Variants in RUFY4 observed in about 807,000 individuals in gnomAD.
RUFY4 encodes the protein RUN and FYVE domain containing 4, also known as RUN and FYVE domain-containing protein 4.
Under a neutral mutation model 69.0 loss-of-function variants are expected in RUFY4, and 73 were observed. That is an observed-to-expected ratio of 1.06 (90% CI 0.88 to 1.29). The LOEUF (loss-of-function observed/expected upper bound fraction) is 1.29. Ranked by LOEUF, RUFY4 falls within the 50% of genes most tolerant of loss-of-function variation. RUFY4 has a pLI of 0.00. For missense variants in RUFY4, 770 were observed against 705.6 expected, an observed-to-expected ratio of 1.09 and a Z score of -1.03; for synonymous variants, 287 against 271.8, an observed-to-expected ratio of 1.06 and a Z score of -0.55.
intron 2 of RUFY4, among the ~76,000 whole-genome samples, chr2:218,055,787 G>A (rs10187555): frequency 0.54 from 82,714 of 152,026 alleles, 24,157 homozygotes; most frequent in East Asian, 0.76. Context: ...CCCCGCCACA[G>A]TGCCATCATC....
chr2:218,083,254 C>T, exon 9 of RUFY4: 2 of 1,598,150 alleles, frequency 1.3e-6, no homozygotes, highest in Admixed American at 3.4e-5. Context: ...TGGAACTGAT[C>T]CAGTAAGGAC....
At chr2:218,051,570 A>T (rs1174384143) in intron 2 of RUFY4, among the ~76,000 whole-genome samples, 1 of 42,382 alleles carries the variant, frequency 2.4e-5, no homozygotes, top group South Asian at 1.7e-3. Flanking sequence ...CAATATTTTA[A>T]AAAAAAAAAA....
intron 9 of RUFY4, among the ~76,000 whole-genome samples, chr2:218,085,202 T>C (rs1689863684): frequency 6.6e-6 from 1 of 152,126 alleles, no homozygotes; most frequent in Admixed American, 6.6e-5. Context: ...TAACTAAATC[T>C]CACTTCCCAT....
At chr2:218,088,410 A>T (rs956227249) in intron 9 of RUFY4, among the ~76,000 whole-genome samples, 3 of 151,516 alleles carry the variant, frequency 2.0e-5, no homozygotes, top group South Asian at 2.1e-4. Context: ...GTGAGCTGTG[A>T]TCATGCTACT....
At chr2:218,071,044 G>A (rs532575709) in intron 2 of RUFY4, among the ~76,000 whole-genome samples, 185 bp downstream of exon 4, 13 of 152,278 alleles carry the variant, frequency 8.5e-5, no homozygotes, top group Non-Finnish European at 1.5e-4. Context: ...AGTGAAGTGG[G>A]GCAAAGCGGG....
exon 11 of RUFY4, chr2:218,090,284 GGGCTTCTTCTCTAA>G (rs1690002450): frequency 2.8e-6 from 1 of 352,526 alleles, no homozygotes; most frequent in South Asian, 2.2e-5. Context: ...TCAGTGCTCA[GGGCTTCTTCTCTAA>G]TGTTAAGAGT....
Position 218,080,603 on chromosome 2 carries a change from C to T in RUFY4, c.1356-2507C>T, listed in dbSNP as rs372550698. On this transcript the variant is annotated intron_variant, in intron 8 of 10. Coordinates refer to ENST00000344321, the Ensembl canonical transcript of RUFY4. ...TTTCCAAGCAGGTGGGTGTCCTCTG[C>T]GCTGGGAATAAGACCTCAAGCCAAA... is the stretch of plus-strand genomic sequence containing the variant. 2.4e-4 allele frequency among the ~76,000 whole-genome samples: 37 copies of T among 152,298 alleles called. 1 individual carries two copies. The highest frequency in any genetic ancestry group is 8.3e-4 in the South Asian group (4 of 4,826).
rs563193170 is a variant in RUFY4, at chr2:218,048,572, T to C, written c.-1157-10023T>C. Among the ~76,000 whole-genome samples the C allele has an allele frequency of 4.6e-5, 7 of 152,324 alleles. No homozygotes were observed. The East Asian group carries it at 1.3e-3, about 29-fold the overall frequency. On this transcript the variant is annotated intron_variant and NMD_transcript_variant, in intron 2 of 13. Coordinates refer to the RUFY4 transcript ENST00000457754. ...TCCAGGGTTTTTATAGTGTTTCTTA[T>C]GTTTCTGAAGATATTATGGTTTTTG...
At chr2:218,036,112 G>A (rs1331244674) in intron 2 of RUFY4, among the ~76,000 whole-genome samples, 2 of 152,210 alleles carry the variant, frequency 1.3e-5, no homozygotes, top group Non-Finnish European at 2.9e-5. Flanking sequence ...TGTGCCCCAG[G>A]TTCCCCTCTA....
intron 2 of RUFY4, among the ~76,000 whole-genome samples, chr2:218,045,182 G>T (rs1315108179): frequency 2.0e-5 from 3 of 152,098 alleles, no homozygotes; most frequent in African/African-American, 7.2e-5. Flanking sequence ...GTTTTGGTTT[G>T]CATTTCTCTA....
chr2:218,087,298 A>T (rs1441488982), intron 9 of RUFY4, among the ~76,000 whole-genome samples: 1 of 152,126 alleles, frequency 6.6e-6, no homozygotes, highest in Admixed American at 6.5e-5. Flanking sequence ...CAACTAAGGA[A>T]CTAAAGTTTT....
intron 2 of RUFY4, among the ~76,000 whole-genome samples, chr2:218,053,810 T>A (rs1439220868): frequency 6.6e-6 from 1 of 152,192 alleles, no homozygotes; most frequent in Non-Finnish European, 1.5e-5. Context: ...ACCCGGCTAA[T>A]TTTTGTAATT....
upstream of RUFY4, among the ~76,000 whole-genome samples, chr2:218,067,498 G>T (rs1689369016): frequency 1.3e-5 from 2 of 152,210 alleles, no homozygotes; most frequent in Non-Finnish European, 2.9e-5. Flanking sequence ...GGTGATGGGT[G>T]CAGGCTGCTC....
At chr2:218,036,224 A>G (rs1574488396) in intron 2 of RUFY4, among the ~76,000 whole-genome samples, 1 of 152,348 alleles carries the variant, frequency 6.6e-6, no homozygotes, top group South Asian at 2.1e-4. Context: ...CCACACCATC[A>G]TCTTCACACC....
chr2:218,072,786 C>A (rs199580808), exon 4 of RUFY4: 39 of 1,527,210 alleles, frequency 2.6e-5, no homozygotes, highest in Admixed American at 1.0e-4. Flanking sequence ...CAGTTGAAGA[C>A]CCCTCTGGGG....
chr2:218,063,513 C>T (rs1689249222), intron 3 of RUFY4, among the ~76,000 whole-genome samples: 1 of 152,220 alleles, frequency 6.6e-6, no homozygotes, highest in African/African-American at 2.4e-5. Flanking sequence ...GAACCAGCAA[C>T]CCCCATCCTA....
At chr2:218,054,002 A>G (rs192463123) in intron 2 of RUFY4, among the ~76,000 whole-genome samples, 7 of 152,368 alleles carry the variant, frequency 4.6e-5, no homozygotes, top group African/African-American at 1.4e-4. Context: ...TTCATCGTCT[A>G]AAGATTATAT....
chr2:218,036,481 A>G lies in RUFY4; in HGVS notation c.-1158+1087A>G, dbSNP rs187173235. The stretch of plus-strand genomic sequence containing the variant: ...CGAGTGAGTCTAGAAGTCTAACTCT[A>G]TAAAAGGGACCACAGTTCCAATTTG... On this transcript the variant is annotated intron_variant and NMD_transcript_variant, in intron 2 of 13. Coordinates refer to the RUFY4 transcript ENST00000457754. Among the ~76,000 whole-genome samples, 15 of 152,336 alleles carry G rather than the reference A, an allele frequency of 9.8e-5. No individual in the cohort carries two copies. The East Asian group carries it at 2.5e-3, about 26-fold the overall frequency.
At position 218,089,253 on chromosome 2, in the gene RUFY4, GAGA is replaced by G. The variant is rs1413617205; in HGVS notation, c.1507_1509del (p.Lys503del). 3 of 1,613,078 alleles carry G rather than the reference GAGA, an allele frequency of 1.9e-6. No homozygotes were observed. In the East Asian group the frequency reaches 6.7e-5, roughly 36 times the overall value. Reference sequence around the variant, plus strand: ...TCTCCACCTTCATCCCCCCATCAGAGAGAAGGACCGCCTGTGGCAGAGGCTCCA... The same window carrying G: ...TCTCCACCTTCATCCCCCCATCAGAGAGGACCGCCTGTGGCAGAGGCTCCA... On this transcript the variant is annotated inframe_deletion and splice_region_variant, in exon 10 of 11. Transcript: ENST00000344321.
Sources: gnomAD v4.1 joint callset for allele counts (sites outside exome capture counted in the v4.1 genomes callset) on GRCh38, gnomAD v4.1.1 for gene constraint, MANE v1.5 for transcripts, NCBI Gene and HGNC (gene_info 2026-07-23, HGNC 2026-07-21) for gene names.